Variants in GBF1 observed in about 807,000 individuals in gnomAD.
The protein encoded by GBF1 is Golgi-specific brefeldin A-resistance guanine nucleotide exchange factor 1.
Under a neutral mutation model 210.5 loss-of-function variants are expected in GBF1, and 114 were observed. The observed-to-expected ratio is 0.54, with a 90% CI of 0.47 to 0.63. The LOEUF (loss-of-function observed/expected upper bound fraction) is 0.63, where lower values mean the gene tolerates loss of function less well. Ranked by LOEUF, GBF1 falls within the 30% of genes least tolerant of loss-of-function variation. The probability of loss-of-function intolerance (pLI) is 0.00; values close to 1 mark genes in which losing one functional copy is unlikely to be tolerated. For synonymous variants in GBF1, 850 were observed against 889.2 expected (o/e 0.96, Z 0.78); for missense variants, 1,851 against 2,357.7 (o/e 0.79, Z 4.45).
intron 36 of GBF1, 59 bp downstream of exon 36, chr10:102,380,013 G>A (rs1204635985): frequency 7.5e-6 from 9 of 1,199,062 alleles, no homozygotes; most frequent in Middle Eastern, 4.7e-4. Flanking sequence ...CCCGAGGAGG[G>A]AAGCCAGGGC....
chr10:102,232,108 G>GA, the GBF1 span: 2 of 1,417,954 alleles, frequency 1.4e-6, no homozygotes, highest in Non-Finnish European at 2.0e-6. Flanking sequence ...GGCGAGAGAA[G>GA]ACACAGACCA....
At chr10:102,278,816 T>C (rs1348067545) in intron 3 of GBF1, among the ~76,000 whole-genome samples, 3 of 152,224 alleles carry the variant, frequency 2.0e-5, no homozygotes, top group South Asian at 2.1e-4. Flanking sequence ...ACTACTGATA[T>C]AGGGTCCTTC....
chr10:102,342,168 C>G (rs968098910), intron 3 of GBF1, among the ~76,000 whole-genome samples: 4 of 151,688 alleles, frequency 2.6e-5, no homozygotes, highest in Non-Finnish European at 4.4e-5. Context: ...TCCCGAGTAG[C>G]TGGGACTACA....
the GBF1 span, among the ~76,000 whole-genome samples, chr10:102,234,468 C>T: frequency 6.6e-6 from 1 of 152,268 alleles, no homozygotes. Flanking sequence ...ACTTCCCCTT[C>T]CAGGTCGGGT....
At chr10:102,339,725 T>G (rs930739719) in intron 3 of GBF1, among the ~76,000 whole-genome samples, 2 of 152,050 alleles carry the variant, frequency 1.3e-5, no homozygotes, top group Non-Finnish European at 2.9e-5. Context: ...GTTGTCAGAC[T>G]TAGACACATA....
intron 3 of GBF1, among the ~76,000 whole-genome samples, chr10:102,292,490 A>G (rs2076529594): frequency 6.6e-6 from 1 of 152,054 alleles, no homozygotes; most frequent in Non-Finnish European, 1.5e-5. Context: ...CAGCCTCTCC[A>G]ATAGCTGGGG....
chr10:102,326,594 T>TA (rs2056922658), intron 3 of GBF1, among the ~76,000 whole-genome samples: 1 of 152,188 alleles, frequency 6.6e-6, no homozygotes, highest in Non-Finnish European at 1.5e-5. Context: ...TAAGTTTTGA[T>TA]AATTGTATAA....
intron 8 of GBF1, among the ~76,000 whole-genome samples, chr10:102,356,119 T>C (rs2059274343): frequency 6.6e-6 from 1 of 152,142 alleles, no homozygotes; most frequent in Admixed American, 6.5e-5. Flanking sequence ...CTCATCTTTA[T>C]TGGAAGGAGC....
intron 3 of GBF1, among the ~76,000 whole-genome samples, chr10:102,279,006 T>G (rs75845365): frequency 0.047 from 7,120 of 152,240 alleles, 330 homozygotes; most frequent in African/African-American, 0.12. Flanking sequence ...ATACCTAACA[T>G]ACATTGATAA....
intron 3 of GBF1, among the ~76,000 whole-genome samples, chr10:102,306,773 AT>A (rs2077922038): frequency 6.6e-6 from 1 of 152,172 alleles, no homozygotes; most frequent in Non-Finnish European, 1.5e-5. Context: ...ATTGGCCATT[AT>A]TATTAGCTTA....
intron 24 of GBF1, 42 bp from the exon 25 acceptor site, chr10:102,369,669 A>G: frequency 6.3e-7 from 1 of 1,584,182 alleles, no homozygotes; most frequent in Non-Finnish European, 8.7e-7. Flanking sequence ...GCACAAATGC[A>G]AAGGACACAT....
intron 17 of GBF1, among the ~76,000 whole-genome samples, chr10:102,364,217 CTTTTTTTTTTTT>C (rs1031275118): frequency 7.5e-5 from 5 of 66,940 alleles, no homozygotes; most frequent in Admixed American, 2.1e-4. Flanking sequence ...CTTTGGATTT[CTTTTTTTTTTTT>C]TTTTTTTTTT....
intron 1 of GBF1, among the ~76,000 whole-genome samples, chr10:102,254,170 C>T (rs1191589242): frequency 6.6e-6 from 1 of 151,918 alleles, no homozygotes; most frequent in Non-Finnish European, 1.5e-5. Context: ...TTGAATTCAC[C>T]AATTTTTTAA....
chr10:102,345,012 G>A (rs1298796288), intron 4 of GBF1, among the ~76,000 whole-genome samples: 9 of 151,954 alleles, frequency 5.9e-5, no homozygotes, highest in Non-Finnish European at 1.2e-4. Flanking sequence ...GGCCGGGTGC[G>A]GTGGCTCACG....
chr10:102,345,213 C>T (rs891218408), intron 4 of GBF1, among the ~76,000 whole-genome samples: 4 of 146,390 alleles, frequency 2.7e-5, no homozygotes, highest in Admixed American at 7.0e-5. Context: ...ACCCGGGAGG[C>T]GGAGTTTGCA....
the GBF1 span, chr10:102,232,096 G>A: frequency 6.6e-7 from 1 of 1,519,048 alleles, no homozygotes. Context: ...GAGGGCTCTG[G>A]AGGCGAGAGA....
At chr10:102,347,208 C>CT (rs1464444629) in intron 4 of GBF1, among the ~76,000 whole-genome samples, 1 of 152,206 alleles carries the variant, frequency 6.6e-6, no homozygotes, top group Non-Finnish European at 1.5e-5. Context: ...AGAAAATAGT[C>CT]TTCAGTTCAG....
chr10:102,289,785 A>G (rs2076283540), intron 3 of GBF1, among the ~76,000 whole-genome samples: 1 of 152,210 alleles, frequency 6.6e-6, no homozygotes, highest in Non-Finnish European at 1.5e-5. Flanking sequence ...CAAAGCAGGC[A>G]AACAAGAACA....
At chr10:102,345,317 A>G (rs1179104917) in intron 4 of GBF1, among the ~76,000 whole-genome samples, 1 of 151,812 alleles carries the variant, frequency 6.6e-6, no homozygotes, top group Non-Finnish European at 1.5e-5. Flanking sequence ...AAAATGAAAT[A>G]AAAATAGGAT....
Sources: gnomAD v4.1 joint callset for allele counts (sites outside exome capture counted in the v4.1 genomes callset) on GRCh38, gnomAD v4.1.1 for gene constraint, MANE v1.5 for transcripts, NCBI Gene and HGNC (gene_info 2026-07-23, HGNC 2026-07-21) for gene names.